The following ACYP2 variants were observed in gnomAD, a reference collection of about 807,000 sequenced individuals.
ACYP2 encodes acylphosphatase-2.
ACYP2 carries 12 observed loss-of-function variants against 11.2 expected under a neutral mutation model. That is an observed-to-expected ratio of 1.08 (90% CI 0.69 to 1.74). ACYP2 has a LOEUF of 1.74. Among genes scored for constraint, ACYP2 ranks in the 40% most tolerant of loss-of-function variants. ACYP2 has a pLI of 0.00. For missense variants in ACYP2, 134 were observed against 101.9 expected (o/e 1.31, Z -1.35); for synonymous variants, 43 against 32.2 (o/e 1.33, Z -1.13).
intron 6 of ACYP2, among the ~76,000 whole-genome samples, chr2:54,204,773 C>A (rs1275531544): frequency 6.6e-6 from 1 of 152,306 alleles, no homozygotes; most frequent in South Asian, 2.1e-4. Context: ...TTCTCTCTTG[C>A]TGGAAATGCT....
At chr2:54,116,502 GT>G (rs57486234) in intron 4 of ACYP2, among the ~76,000 whole-genome samples, 12,403 of 129,132 alleles carry the variant, frequency 0.096, 495 homozygotes, top group African/African-American at 0.17. Flanking sequence ...TTGCTTGAGG[GT>G]TTTTTTTTTT....
intron 2 of ACYP2, among the ~76,000 whole-genome samples, chr2:53,983,124 A>G (rs1573442915): frequency 6.6e-6 from 1 of 152,170 alleles, no homozygotes; most frequent in East Asian, 1.9e-4. Context: ...TACCTGGACT[A>G]GGATGCAAGG....
intron 6 of ACYP2, among the ~76,000 whole-genome samples, chr2:54,291,779 T>C (rs562031803): frequency 3.3e-5 from 5 of 152,268 alleles, no homozygotes; most frequent in South Asian, 2.1e-4. Flanking sequence ...TATTCATAAA[T>C]ACAGTATTTT....
intron 2 of ACYP2, among the ~76,000 whole-genome samples, chr2:53,995,383 A>C (rs1672521517): frequency 6.6e-6 from 1 of 152,146 alleles, no homozygotes; most frequent in African/African-American, 2.4e-5. Flanking sequence ...ATAAATCATC[A>C]CATTTCTTCA....
At chr2:54,206,708 C>T (rs903350644) in intron 6 of ACYP2, among the ~76,000 whole-genome samples, 3 of 152,214 alleles carry the variant, frequency 2.0e-5, no homozygotes, top group African/African-American at 7.2e-5. Flanking sequence ...AATTCACCTA[C>T]TGGCTCCAAA....
intron 4 of ACYP2, among the ~76,000 whole-genome samples, chr2:54,072,489 TTC>T (rs963962227): frequency 9.3e-6 from 1 of 107,230 alleles, no homozygotes; most frequent in African/African-American, 3.2e-5. Context: ...TCTTTCTTTT[TTC>T]TTTCTTTCTC....
intron 6 of ACYP2, among the ~76,000 whole-genome samples, chr2:54,233,416 C>T (rs974729939): frequency 1.3e-5 from 2 of 151,410 alleles, no homozygotes; most frequent in African/African-American, 4.9e-5. Flanking sequence ...CCAGCTTTAG[C>T]CTCCTATGTA....
intron 6 of ACYP2, chr2:54,255,155 C>T (rs868790368): frequency 1.9e-6 from 3 of 1,614,116 alleles, no homozygotes; most frequent in Non-Finnish European, 2.5e-6. Flanking sequence ...GGTCCATGGC[C>T]CCGGCGCCAC....
intron 4 of ACYP2, among the ~76,000 whole-genome samples, chr2:54,120,361 T>C (rs1680078675): frequency 6.6e-6 from 1 of 152,210 alleles, no homozygotes; most frequent in African/African-American, 2.4e-5. Flanking sequence ...TGTTTAATTA[T>C]ATTTACATCT....
chr2:54,144,950 C>T (rs1681818414), intron 6 of ACYP2, among the ~76,000 whole-genome samples: 1 of 151,824 alleles, frequency 6.6e-6, no homozygotes, highest in South Asian at 2.1e-4. Context: ...GTCCTAGTTG[C>T]CGTTGTTTTT....
At position 54,304,769 on chromosome 2, in the gene ACYP2, G is replaced by A; in HGVS notation, c.486G>A (p.Lys162=). The A allele has an allele frequency of 6.2e-7, 1 of 1,610,498 alleles. No homozygotes were observed. The highest frequency in any genetic ancestry group is 8.5e-7 in the Non-Finnish European group (1 of 1,178,580). ...TTTCTAATGAAAAAACCATCTCTAA[G>A]CTTGAATACTCTAATTTTAGTATTA... The change falls in exon 7 of 7, where the codon AAG becomes AAA. Residue 162 remains lysine (K), a synonymous_variant. Transcript: ENST00000607452.
At chr2:54,282,202 C>T (rs972131661) in intron 6 of ACYP2, among the ~76,000 whole-genome samples, 45 of 152,112 alleles carry the variant, frequency 3.0e-4, no homozygotes, top group African/African-American at 1.0e-3. Context: ...TCTCCAAGTC[C>T]TTCAAAGAAT....
intron 6 of ACYP2, among the ~76,000 whole-genome samples, chr2:54,258,740 G>C (rs77031556): frequency 0.022 from 3,349 of 152,218 alleles, 110 homozygotes; most frequent in African/African-American, 0.075. Context: ...GGTAGAGTCA[G>C]CCTGATTTAA....
intron 2 of ACYP2, among the ~76,000 whole-genome samples, chr2:53,980,219 G>A (rs1671682140): frequency 6.6e-6 from 1 of 152,056 alleles, no homozygotes; most frequent in African/African-American, 2.4e-5. Flanking sequence ...CAGGCGTTAT[G>A]GAATGTGCCT....
At chr2:54,297,267 G>A (rs1472846343) in intron 6 of ACYP2, among the ~76,000 whole-genome samples, 1 of 148,332 alleles carries the variant, frequency 6.7e-6, no homozygotes, top group Non-Finnish European at 1.5e-5. Context: ...GCCAAGGTGG[G>A]AGGATCACTT....
At chr2:53,978,854 C>T (rs189877425) in intron 2 of ACYP2, among the ~76,000 whole-genome samples, 2 of 152,178 alleles carry the variant, frequency 1.3e-5, no homozygotes, top group Admixed American at 6.5e-5. Flanking sequence ...GCCTGGGAGG[C>T]AGAGGTTGCA....
Position 54,115,905 on chromosome 2 carries a change from G to GGGGGCGGT in ACYP2, c.278-19548_278-19547insGGGGCGGT, listed in dbSNP as rs1447852707. ...TGACACAGCAGCGGCGGCGGGGAGG[G>GGGGGCGGT]AGGCGAAACGCGCATGCGCCCGAGG... On this transcript the variant is annotated intron_variant, in intron 4 of 6. Coordinates refer to ENST00000607452, the MANE Select transcript of ACYP2 (RefSeq NM_001320586.2). 2.9e-6 allele frequency: 3 copies of GGGGGCGGT among 1,048,756 alleles called. No homozygotes were observed. The African/African-American group carries it at 7.0e-5, about 25-fold the overall frequency. 65.0% of individuals were successfully genotyped at this position (1,048,756 alleles called of 1,614,324 possible).
At chr2:53,984,002 G>A (rs1446865401) in intron 2 of ACYP2, among the ~76,000 whole-genome samples, 1 of 152,108 alleles carries the variant, frequency 6.6e-6, no homozygotes, top group Non-Finnish European at 1.5e-5. Flanking sequence ...GGTTTATCCT[G>A]TAAGCATTGA....
intron 2 of ACYP2, among the ~76,000 whole-genome samples, chr2:53,995,686 C>T (rs1672541846): frequency 1.3e-5 from 2 of 151,880 alleles, no homozygotes; most frequent in South Asian, 4.2e-4. Context: ...CTCCTGACCT[C>T]AAGTGATCTG....
Sources: gnomAD v4.1 joint callset for allele counts (sites outside exome capture counted in the v4.1 genomes callset) on GRCh38, gnomAD v4.1.1 for gene constraint, MANE v1.5 for transcripts, NCBI Gene and HGNC (gene_info 2026-07-23, HGNC 2026-07-21) for gene names.